The following ADGRG4 variants were observed in gnomAD, a reference collection of about 807,000 sequenced individuals.
The protein encoded by ADGRG4 is adhesion G protein-coupled receptor G4, also known as G protein-coupled receptor 112.
In ADGRG4, 122 loss-of-function variants were observed where a neutral mutation model predicts 126.2. That is an observed-to-expected ratio of 0.97 (90% CI 0.83 to 1.12). The LOEUF is 1.12. ADGRG4 is among the 50% of genes most tolerant of loss of function. The pLI is 0.00. For missense variants in ADGRG4, 2,481 were observed against 2,251.8 expected, an observed-to-expected ratio of 1.10 and a Z score of -2.06; for synonymous variants, 943 against 838.7, an observed-to-expected ratio of 1.12 and a Z score of -2.15.
In ADGRG4 at chrX:136,392,312, T is replaced by C; in HGVS notation, c.7992T>C (p.Ala2664=). ...ATGATATGTTCATTCAAAACTTAGC[T>C]GACCCAGTGGTTATCACTCTGCAGC... ...ISDDMFIQNL[A]DPVVITLQHI... The change falls in exon 17 of 26, where the codon GCT becomes GCC. Residue 2664 remains alanine, a synonymous_variant. Transcript: ENST00000394143. The C allele has an allele frequency of 8.4e-7, 1 of 1,187,795 alleles. No homozygotes were observed.
At chrX:136,305,667 G>A (rs183550194) in intron 3 of ADGRG4, among the ~76,000 whole-genome samples, 2 of 112,344 alleles carry the variant, frequency 1.8e-5, no homozygotes, top group African/African-American at 6.5e-5. Flanking sequence ...ATGTGAATAT[G>A]TTCATGCCTC....
chrX:136,385,602 T>C (rs964006698), intron 15 of ADGRG4, among the ~76,000 whole-genome samples: 1 of 112,048 alleles, frequency 8.9e-6, no homozygotes, highest in African/African-American at 3.2e-5. Context: ...TCTCAAGGTT[T>C]AACTCCATTG....
intron 15 of ADGRG4, among the ~76,000 whole-genome samples, chrX:136,376,154 G>C (rs1166012568): frequency 9.0e-6 from 1 of 111,692 alleles, no homozygotes; most frequent in Non-Finnish European, 1.9e-5. Context: ...TGTGGAACAG[G>C]GTGTCCCTTC....
At chrX:136,319,126 C>T (rs776548754) in intron 4 of ADGRG4, among the ~76,000 whole-genome samples, 2 of 112,409 alleles carry the variant, frequency 1.8e-5, no homozygotes, top group Non-Finnish European at 3.8e-5. Flanking sequence ...CCTTGAGAGG[C>T]GCGGCAGAGA....
intron 23 of ADGRG4, among the ~76,000 whole-genome samples, chrX:136,411,281 T>C (rs367914281): frequency 2.7e-5 from 3 of 112,701 alleles, no homozygotes; most frequent in East Asian, 5.6e-4. Flanking sequence ...AACTACTGAC[T>C]TCAAGTGATC....
At chrX:136,398,038 T>C (rs773268740) in intron 20 of ADGRG4, 36 bp downstream of exon 20, 1 of 1,170,555 alleles carries the variant, frequency 8.5e-7, no homozygotes, top group South Asian at 1.9e-5. Flanking sequence ...GCACATTTAA[T>C]TTGGTTTGAT....
chrX:136,389,334 G>A (rs986920787), intron 16 of ADGRG4, among the ~76,000 whole-genome samples: 7 of 112,405 alleles, frequency 6.2e-5, no homozygotes, highest in Admixed American at 2.8e-4. Context: ...TGTCACTTGA[G>A]ATGCCATTAT....
At chrX:136,303,554 A>G (rs2074716042) in intron 1 of ADGRG4, among the ~76,000 whole-genome samples, 1 of 112,492 alleles carries the variant, frequency 8.9e-6, no homozygotes, top group African/African-American at 3.2e-5. Context: ...TATGCAAAAT[A>G]ATACTACACA....
rs748082586 is a variant in ADGRG4, at chrX:136,364,400, G to A, written c.7396+805G>A. Among the ~76,000 whole-genome samples the A allele has an allele frequency of 3.6e-5, 4 of 111,174 alleles. No individual in the cohort carries two copies. The South Asian group carries it at 1.1e-3, about 32-fold the overall frequency. On this transcript the variant is annotated intron_variant, in intron 13 of 25. Transcript: ENST00000394143. ...GCATACTATACACACTATTCTTTAC[G>A]TTGCTTTTTTCTCTTAACAATATAT...
chrX:136,406,983 G>T (rs763224471), intron 23 of ADGRG4, among the ~76,000 whole-genome samples: 10 of 110,215 alleles, frequency 9.1e-5, no homozygotes, highest in Admixed American at 6.7e-4. Flanking sequence ...ATCTTAACTT[G>T]ATTTTGCCTA....
intron 5 of ADGRG4, among the ~76,000 whole-genome samples, chrX:136,332,912 T>TG (rs1206169827): frequency 9.0e-6 from 1 of 111,403 alleles, no homozygotes; most frequent in Non-Finnish European, 1.9e-5. Context: ...ATTAGCCCTT[T>TG]TCAGATGAGT....
chrX:136,387,425 G>A (rs1447499949), intron 15 of ADGRG4, among the ~76,000 whole-genome samples: 2 of 111,980 alleles, frequency 1.8e-5, no homozygotes, highest in East Asian at 5.6e-4. Flanking sequence ...CAGGGCAAAT[G>A]ACCTAATTTG....
At chrX:136,387,970 A>C in intron 16 of ADGRG4, 96 bp downstream of exon 16, 2 of 833,233 alleles carry the variant, frequency 2.4e-6, no homozygotes, top group Non-Finnish European at 3.4e-6. Flanking sequence ...TGCTTATTTT[A>C]GAATATGCTG....
rs765632694 is a variant in ADGRG4, at chrX:136,328,263, C to T, written c.685+4871C>T. ...TGTTTGAAGGACTTTGAAGTTGTTT[C>T]TAGTTTCTAGCTATGACAAAAGTCT... On this transcript the variant is annotated intron_variant, in intron 5 of 25. Coordinates refer to ENST00000394143, the MANE Select transcript of ADGRG4 (RefSeq NM_153834.4). Among the ~76,000 whole-genome samples the T allele has an allele frequency of 2.7e-3, 299 of 111,451 alleles. 4 individuals are homozygous for T. Among genetic ancestry groups the T allele is most frequent in the Non-Finnish European group, 2.2e-3 (115 of 53,076 alleles).
chrX:136,374,459 T>A (rs2075213671), intron 15 of ADGRG4, among the ~76,000 whole-genome samples: 1 of 111,354 alleles, frequency 9.0e-6, no homozygotes, highest in African/African-American at 3.3e-5. Flanking sequence ...AGATGGAGTC[T>A]CACTCTGCTG....
At position 136,346,207 on chromosome X, in the gene ADGRG4, G is replaced by T. The variant is rs755179018; in HGVS notation, c.2501G>T (p.Arg834Ile). ...TPVPKSATTQ[R>I]LNATVTRKEA... ...GTACCAAAGTCAGCAACAACACAAA[G>T]ATTAAATGCCACTGTGACAAGAAAA... is the stretch of plus-strand genomic sequence containing the variant. Residue 834 changes from arginine to isoleucine, a missense_variant, in exon 6 of 26, where the codon AGA (arginine) becomes ATA (isoleucine). Coordinates refer to ENST00000394143, the MANE Select transcript of ADGRG4 (RefSeq NM_153834.4). 3.3e-6 allele frequency: 4 copies of T among 1,209,323 alleles called. No homozygotes were observed. The East Asian group carries it at 8.9e-5, about 27-fold the overall frequency.
intron 1 of ADGRG4, among the ~76,000 whole-genome samples, chrX:136,302,703 G>C (rs1166266033): frequency 1.8e-5 from 2 of 111,840 alleles, no homozygotes; most frequent in African/African-American, 6.5e-5. Context: ...AATGATTGCG[G>C]ACTATATGAA....
chrX:136,320,433 A>G (rs192748967), intron 4 of ADGRG4, among the ~76,000 whole-genome samples: 177 of 112,154 alleles, frequency 1.6e-3, no homozygotes, highest in African/African-American at 5.6e-3. Flanking sequence ...TCATTTCCCC[A>G]CAGGCTTGCC....
intron 18 of ADGRG4, among the ~76,000 whole-genome samples, 179 bp downstream of exon 18, chrX:136,393,759 T>C (rs767580741): frequency 1.2e-3 from 138 of 111,642 alleles, no homozygotes; most frequent in African/African-American, 4.1e-3. Flanking sequence ...AAGACAACTT[T>C]CCTTTTTGAT....
Sources: allele counts gnomAD v4.1 joint callset (sites outside exome capture counted in the v4.1 genomes callset), GRCh38; gene constraint gnomAD v4.1.1; transcripts MANE v1.5; gene names NCBI Gene and HGNC (gene_info 2026-07-23, HGNC 2026-07-21).